Variants in SIAE observed in about 807,000 individuals in gnomAD.
The protein encoded by SIAE is sialate O-acetylesterase.
A neutral mutation model predicts 52.6 loss-of-function variants in SIAE; 39 were observed. The ratio of observed to expected loss-of-function variants is 0.74; its 90% confidence interval spans 0.57 to 0.97. SIAE has a LOEUF of 0.97. Among genes scored for constraint, SIAE ranks in the 50% least tolerant of loss-of-function variants. SIAE has a pLI of 0.00. For missense variants in SIAE, 592 were observed against 662.1 expected (o/e 0.89, Z 1.16); for synonymous variants, 233 against 241.4 (o/e 0.97, Z 0.32).
chr11:124,671,980 G>A (rs947321927), intron 1 of SIAE, among the ~76,000 whole-genome samples: 5 of 147,934 alleles, frequency 3.4e-5, no homozygotes, highest in Admixed American at 1.4e-4. Flanking sequence ...GTTTCACTAC[G>A]TTGGCCAGGC....
chr11:124,649,546 C>G, intron 5 of SIAE, 73 bp downstream of exon 5: 1 of 1,525,120 alleles, frequency 6.6e-7, no homozygotes, highest in South Asian at 1.1e-5. Flanking sequence ...TAACTCCCCA[C>G]AGAGGACGAT....
At chr11:124,651,006 G>C (rs1391218948) in intron 4 of SIAE, among the ~76,000 whole-genome samples, 1 of 152,068 alleles carries the variant, frequency 6.6e-6, no homozygotes, top group African/African-American at 2.4e-5. Context: ...TGGTGAAGAG[G>C]GGGGCATGCA....
upstream of SIAE, chr11:124,673,807 C>T: frequency 7.3e-7 from 1 of 1,370,916 alleles, no homozygotes; most frequent in Non-Finnish European, 1.0e-6. Context: ...CTTTTGCAGT[C>T]CTCGCAGCCT....
chr11:124,648,748 G>A (rs1455305317), intron 5 of SIAE, among the ~76,000 whole-genome samples: 1 of 151,656 alleles, frequency 6.6e-6, no homozygotes, highest in African/African-American at 2.4e-5. Context: ...CTGCGTGTGA[G>A]AAGCCCACTT....
chr11:124,636,121 C>T lies in SIAE; in HGVS notation c.*830G>A, dbSNP rs535009554. The T allele has an allele frequency of 6.6e-6, 1 of 152,368 alleles. No homozygotes were observed. Among genetic ancestry groups the T allele is most frequent in the African/African-American group, 2.4e-5 (1 of 41,564 alleles). The allele number at this position is 152,368 out of a possible 1,614,324, so 9.4% of individuals were successfully genotyped here. ...TTTCCTAAGCCAGAGTTTCCCACGC[C>T]TCCTGTTCCTGGCAGCCCAAGTGCC... On this transcript the variant is annotated 3_prime_UTR_variant, in exon 10 of 10. Coordinates refer to ENST00000263593, the MANE Select transcript of SIAE (RefSeq NM_170601.5).
chr11:124,640,855 C>G (rs1942833391), intron 7 of SIAE, among the ~76,000 whole-genome samples: 1 of 152,184 alleles, frequency 6.6e-6, no homozygotes, highest in Non-Finnish European at 1.5e-5. Context: ...GCTGCTATCG[C>G]CATAAGAAGG....
rs1261977043 is a variant in SIAE at position 124,645,702 on chromosome 11, T to G, written c.966+1663A>C. 6.6e-6 allele frequency among the ~76,000 whole-genome samples: 1 copy of G among 152,164 alleles called. No homozygotes were observed. The highest frequency in any genetic ancestry group is 6.5e-5 in the Admixed American group (1 of 15,272). On this transcript the variant is annotated intron_variant, in intron 7 of 9. Transcript: ENST00000263593. This position sits in a 1 kb window ranked among gnomAD's most constrained non-coding sequence, Gnocchi z 4.7. The stretch of plus-strand genomic sequence containing the variant: ...GGCTAAAGTCATACTCAAATCACCA[T>G]GTGCACAGGCCAAGGGAGAAAAAAG...
chr11:124,638,348 C>T (rs1030833911), intron 9 of SIAE, among the ~76,000 whole-genome samples, 194 bp downstream of exon 9: 8 of 152,290 alleles, frequency 5.3e-5, no homozygotes, highest in East Asian at 3.9e-4. Flanking sequence ...TTCCCTTTCT[C>T]GATTGTGCTG....
At chr11:124,668,415 A>T (rs1943301659) in intron 2 of SIAE, among the ~76,000 whole-genome samples, 1 of 152,228 alleles carries the variant, frequency 6.6e-6, no homozygotes, top group South Asian at 2.1e-4. Context: ...GGAAGAGGAC[A>T]TATCTGTTTT....
At chr11:124,666,939 C>T (rs1943280733) in intron 2 of SIAE, among the ~76,000 whole-genome samples, 1 of 152,220 alleles carries the variant, frequency 6.6e-6, no homozygotes, top group Non-Finnish European at 1.5e-5. Context: ...CCTCCTGCCT[C>T]ATCTCTGCCC....
At chr11:124,671,990 C>A (rs1156375802) in intron 1 of SIAE, among the ~76,000 whole-genome samples, 1 of 150,648 alleles carries the variant, frequency 6.6e-6, no homozygotes, top group Non-Finnish European at 1.5e-5. Context: ...GTTGGCCAGG[C>A]TGGTCTCGAA....
Position 124,634,597 on chromosome 11 carries a change from T to C in SIAE, c.*2354A>G, listed in dbSNP as rs750988327. ...AAGAAATAACTGGACGAGTGTGGTA[T>C]GATGTTTGCATGTGATATTCATTAC... is the stretch of plus-strand genomic sequence containing the variant. On this transcript the variant is annotated 3_prime_UTR_variant, in exon 10 of 10. Coordinates refer to ENST00000263593, the MANE Select transcript of SIAE (RefSeq NM_170601.5). 2.6e-4 allele frequency: 40 copies of C among 152,200 alleles called. No individual in the cohort carries two copies. Among genetic ancestry groups the C allele is most frequent in the Non-Finnish European group, 5.4e-4 (37 of 68,032 alleles). The allele number at this position is 152,200 out of a possible 1,614,324, so 9.4% of individuals were successfully genotyped here.
chr11:124,655,174 C>CTTTTTTT (rs766294261), intron 3 of SIAE, among the ~76,000 whole-genome samples: 70 of 135,042 alleles, frequency 5.2e-4, no homozygotes, highest in African/African-American at 2.0e-3. Context: ...TTAACTTCTT[C>CTTTTTTT]TTTTTTTTTT....
At chr11:124,641,682 G>C (rs558190976) in intron 7 of SIAE, among the ~76,000 whole-genome samples, 2 of 152,252 alleles carry the variant, frequency 1.3e-5, no homozygotes, top group East Asian at 3.9e-4. Context: ...AATAAGGCCG[G>C]GCATGGTGGC....
intron 4 of SIAE, among the ~76,000 whole-genome samples, chr11:124,650,639 G>C (rs1565412236): frequency 6.6e-6 from 1 of 152,028 alleles, no homozygotes; most frequent in Non-Finnish European, 1.5e-5. Context: ...TGGGCGTGGT[G>C]GTGGGCACCT....
chr11:124,638,454 G>T (rs540837113), intron 9 of SIAE, 88 bp downstream of exon 9: 1 of 1,420,248 alleles, frequency 7.0e-7, no homozygotes, highest in Non-Finnish European at 9.9e-7. Context: ...CCGCCACATC[G>T]TAATAACAAA....
chr11:124,654,874 A>G (rs1943073685), intron 3 of SIAE, 81 bp from the exon 4 acceptor site: 1 of 1,526,016 alleles, frequency 6.6e-7, no homozygotes, highest in Admixed American at 1.7e-5. Context: ...CAGTCCTCTG[A>G]GCTCCTGAGC....
intron 3 of SIAE, among the ~76,000 whole-genome samples, chr11:124,655,799 C>T (rs1943090014): frequency 6.6e-6 from 1 of 152,134 alleles, no homozygotes; most frequent in African/African-American, 2.4e-5. Flanking sequence ...AGCCTACAAA[C>T]ATCCTCCTGT....
intron 4 of SIAE, among the ~76,000 whole-genome samples, chr11:124,653,035 C>T (rs1267923392): frequency 1.3e-5 from 2 of 152,198 alleles, no homozygotes; most frequent in Admixed American, 6.5e-5. Context: ...TTTTGGATAC[C>T]ATGTAGTAAG....
Sources: allele counts gnomAD v4.1 joint callset (sites outside exome capture counted in the v4.1 genomes callset), GRCh38; gene constraint gnomAD v4.1.1; non-coding constraint Gnocchi (gnomAD v3.1); transcripts MANE v1.5; gene names NCBI Gene and HGNC (gene_info 2026-07-23, HGNC 2026-07-21).